The following GALNTL6 variants were observed in gnomAD, a reference collection of about 807,000 sequenced individuals.
GALNTL6 encodes polypeptide N-acetylgalactosaminyltransferase like 6, also known as polypeptide N-acetylgalactosaminyltransferase-like 6.
A neutral mutation model predicts 73.7 loss-of-function variants in GALNTL6; 46 were observed. The observed-to-expected ratio is 0.62, with a 90% confidence interval of 0.49 to 0.80. GALNTL6 has a LOEUF of 0.80. GALNTL6 is among the 30% of genes least tolerant of loss of function. The pLI is 0.00. For missense variants in GALNTL6, 604 were observed against 755.0 expected, an observed-to-expected ratio of 0.80 and a Z score of 2.34; for synonymous variants, 259 against 263.7, an observed-to-expected ratio of 0.98 and a Z score of 0.17.
chr4:171,952,087 T>A (rs1404428734), intron 2 of GALNTL6, among the ~76,000 whole-genome samples: 2 of 152,054 alleles, frequency 1.3e-5, no homozygotes, highest in Non-Finnish European at 1.5e-5. Context: ...TTAAAGAGTT[T>A]GCAAAATTGA....
intron 10 of GALNTL6, among the ~76,000 whole-genome samples, chr4:172,989,377 C>A (rs1285980810): frequency 3.9e-5 from 6 of 152,164 alleles, no homozygotes; most frequent in African/African-American, 7.2e-5. Context: ...TGAGTTAATG[C>A]TGAAATGAAT....
chr4:172,866,593 C>T (rs948008662), intron 7 of GALNTL6, among the ~76,000 whole-genome samples: 3 of 152,162 alleles, frequency 2.0e-5, no homozygotes, highest in Non-Finnish European at 4.4e-5. Context: ...GTCCAAACTC[C>T]TCAGCATTAC....
intron 7 of GALNTL6, among the ~76,000 whole-genome samples, chr4:172,820,620 C>A (rs1208079933): frequency 2.0e-5 from 3 of 152,140 alleles, no homozygotes; most frequent in South Asian, 4.1e-4. Context: ...TGTTCATTCT[C>A]CCTTTTATTC....
intron 10 of GALNTL6, among the ~76,000 whole-genome samples, chr4:172,960,080 C>G (rs1045416921): frequency 2.0e-5 from 3 of 152,126 alleles, no homozygotes; most frequent in Non-Finnish European, 4.4e-5. Context: ...TATTTAATGT[C>G]AGGAGCAGAT....
chr4:172,193,786 C>T (rs1202355164), intron 2 of GALNTL6, among the ~76,000 whole-genome samples: 2 of 152,104 alleles, frequency 1.3e-5, no homozygotes, highest in Non-Finnish European at 2.9e-5. Flanking sequence ...TGGCGTGAAC[C>T]CGGGAGGCGG....
At chr4:171,845,722 A>G (rs1409077148) in intron 2 of GALNTL6, among the ~76,000 whole-genome samples, 11 of 152,198 alleles carry the variant, frequency 7.2e-5, no homozygotes, top group Admixed American at 6.5e-4. Context: ...AATTACTGCA[A>G]GAAGGAATTC....
intron 5 of GALNTL6, among the ~76,000 whole-genome samples, chr4:172,363,393 A>T (rs1323480712): frequency 6.6e-6 from 1 of 152,100 alleles, no homozygotes; most frequent in Non-Finnish European, 1.5e-5. Flanking sequence ...CAAATTACTT[A>T]AAAAATATAA....
intron 5 of GALNTL6, among the ~76,000 whole-genome samples, chr4:172,649,464 A>T (rs1390807197): frequency 6.6e-6 from 1 of 152,228 alleles, no homozygotes; most frequent in African/African-American, 2.4e-5. Flanking sequence ...GAATTTTTAA[A>T]AGAAACTGCC....
intron 5 of GALNTL6, among the ~76,000 whole-genome samples, chr4:172,734,734 G>T (rs1454018458): frequency 6.6e-6 from 1 of 152,114 alleles, no homozygotes; most frequent in Non-Finnish European, 1.5e-5. Flanking sequence ...AGGCCCAGAG[G>T]TCTAGGAGGT....
chr4:171,893,987 G>T (rs1035886567), intron 2 of GALNTL6, among the ~76,000 whole-genome samples: 1 of 123,756 alleles, frequency 8.1e-6, no homozygotes, highest in African/African-American at 3.1e-5. Context: ...AGAGCTTGGG[G>T]TTGAAACTAA....
At chr4:172,876,268 A>T (rs764224545) in intron 7 of GALNTL6, among the ~76,000 whole-genome samples, 2 of 152,210 alleles carry the variant, frequency 1.3e-5, no homozygotes, top group African/African-American at 2.4e-5. Flanking sequence ...ATCATGGTAC[A>T]AAATAGCACA....
At chr4:172,714,092 C>A (rs758673345) in intron 5 of GALNTL6, among the ~76,000 whole-genome samples, 1 of 152,024 alleles carries the variant, frequency 6.6e-6, no homozygotes, top group South Asian at 2.1e-4. Context: ...TTGTGGTGTA[C>A]GATGACAGAC....
At chr4:172,925,817 G>C (rs2111304772) in intron 8 of GALNTL6, among the ~76,000 whole-genome samples, 1 of 152,258 alleles carries the variant, frequency 6.6e-6, no homozygotes, top group South Asian at 2.1e-4. Context: ...ATGGACTCCT[G>C]ACCTACAGAA....
chr4:172,174,890 A>G (rs976843897), intron 2 of GALNTL6, among the ~76,000 whole-genome samples: 1 of 152,196 alleles, frequency 6.6e-6, no homozygotes, highest in Admixed American at 6.5e-5. Flanking sequence ...ATACATTTAG[A>G]TGACACATAC....
chr4:172,816,543 G>A (rs936116923), intron 7 of GALNTL6, among the ~76,000 whole-genome samples: 41 of 152,180 alleles, frequency 2.7e-4, no homozygotes, highest in African/African-American at 8.4e-4. Flanking sequence ...ATATGAACCT[G>A]ATGTGGTATA....
intron 5 of GALNTL6, among the ~76,000 whole-genome samples, chr4:172,403,145 A>C (rs1744099393): frequency 6.6e-6 from 1 of 152,060 alleles, no homozygotes; most frequent in African/African-American, 2.4e-5. Flanking sequence ...ACTAGGGAAC[A>C]CACCTCAGAG....
At chr4:172,551,126 T>C (rs1735940793) in intron 5 of GALNTL6, among the ~76,000 whole-genome samples, 1 of 152,218 alleles carries the variant, frequency 6.6e-6, no homozygotes, top group Admixed American at 6.5e-5. Context: ...TAGCACATAC[T>C]TTGAATAGCA....
chr4:172,062,844 C>A (rs1315623768), intron 2 of GALNTL6, among the ~76,000 whole-genome samples: 1 of 152,186 alleles, frequency 6.6e-6, no homozygotes, highest in African/African-American at 2.4e-5. Flanking sequence ...TATGAGTAAC[C>A]CTTCCCTGCC....
intron 3 of GALNTL6, among the ~76,000 whole-genome samples, chr4:172,246,804 A>T (rs991139898): frequency 6.8e-5 from 10 of 148,044 alleles, no homozygotes; most frequent in Non-Finnish European, 7.5e-5. Flanking sequence ...CAGGCGATTT[A>T]TATATATATA....
Sources: gnomAD v4.1 joint callset for allele counts (sites outside exome capture counted in the v4.1 genomes callset) on GRCh38, gnomAD v4.1.1 for gene constraint, MANE v1.5 for transcripts, NCBI Gene and HGNC (gene_info 2026-07-23, HGNC 2026-07-21) for gene names.